CDK7: variants seen among roughly 807,000 people sequenced by gnomAD.
CDK7 encodes the protein cyclin dependent kinase 7.
CDK7 carries 25 observed loss-of-function variants against 49.1 expected under a neutral mutation model. The ratio of observed to expected loss-of-function variants is 0.51; its 90% CI spans 0.37 to 0.71. CDK7 has a LOEUF of 0.71. Ranked by LOEUF, CDK7 falls within the 30% of genes least tolerant of loss-of-function variation. CDK7 has a pLI of 0.00. For synonymous variants in CDK7, 107 were observed against 140.0 expected (o/e 0.76, Z 1.67); for missense variants, 316 against 411.7 (o/e 0.77, Z 2.01).
chr5:69,247,497 G>C (rs1282627588), intron 2 of CDK7, among the ~76,000 whole-genome samples: 1 of 149,050 alleles, frequency 6.7e-6, no homozygotes, highest in East Asian at 1.9e-4. Context: ...GTAGGCAACA[G>C]ATCTTTGGGG....
At chr5:69,276,034 T>C (rs1044362283) in intron 10 of CDK7, among the ~76,000 whole-genome samples, 3 of 152,106 alleles carry the variant, frequency 2.0e-5, no homozygotes, top group African/African-American at 4.8e-5. Context: ...AGTCTTTTTT[T>C]CTTTTCTTTT....
chr5:69,242,222 T>C (rs1041564359), intron 2 of CDK7, among the ~76,000 whole-genome samples: 5 of 152,146 alleles, frequency 3.3e-5, no homozygotes, highest in African/African-American at 1.2e-4. Context: ...CAGTAGATAA[T>C]TCTCAAATCT....
At chr5:69,250,674 G>A (rs945805153) in intron 2 of CDK7, 1 of 456,034 alleles carries the variant, frequency 2.2e-6, no homozygotes, top group Non-Finnish European at 4.4e-6. Flanking sequence ...CTCTTCCCCA[G>A]GGCAACCAAG....
At chr5:69,252,349 C>A in intron 2 of CDK7, 69 bp from the exon 3 acceptor site, 2 of 919,656 alleles carry the variant, frequency 2.2e-6, no homozygotes, top group Non-Finnish European at 3.5e-6. Flanking sequence ...AGTATTTACA[C>A]ATTATTCATT....
Position 69,276,695 on chromosome 5 carries a change from G to GGCCTTTTTTAAAAGAA in CDK7, c.1012+5_1012+6insGCCTTTTTTAAAAGAA, listed in dbSNP as rs773583261. ...GAACAGAGGCCTTAGAACAAGGTAA[G>GGCCTTTTTTAAAAGAA]ATTCCCACTTTTAAAAGAAATTAAA... On this transcript the variant is annotated splice_donor_region_variant and intron_variant, in intron 11 of 11. Coordinates refer to ENST00000256443, the MANE Select transcript of CDK7 (RefSeq NM_001799.4). 7.5e-6 allele frequency: 12 copies of GGCCTTTTTTAAAAGAA among 1,607,594 alleles called. No individual in the cohort carries two copies. Among genetic ancestry groups the GGCCTTTTTTAAAAGAA allele is most frequent in the Non-Finnish European group, 1.0e-5 (12 of 1,178,186 alleles).
Position 69,277,420 on chromosome 5 carries a change from G to A in CDK7, c.*285G>A, listed in dbSNP as rs562797466. The stretch of plus-strand genomic sequence containing the variant: ...TAATAAAAATTATTACCAGTTATTT[G>A]GAAGATCTGACCCATATAGTATCAC... On this transcript the variant is annotated 3_prime_UTR_variant, in exon 12 of 12. Transcript: ENST00000256443. The A allele has an allele frequency of 1.4e-4, 38 of 279,698 alleles. No individual in the cohort carries two copies. The highest frequency in any genetic ancestry group is 7.9e-4 in the African/African-American group (36 of 45,508). The allele number at this position is 279,698 out of a possible 1,614,324, so 17.3% of individuals were successfully genotyped here.
intron 2 of CDK7, among the ~76,000 whole-genome samples, chr5:69,249,435 G>C (rs547586725): frequency 3.6e-4 from 55 of 152,156 alleles, no homozygotes; most frequent in African/African-American, 1.2e-3. Flanking sequence ...CAGCTTCTTG[G>C]GGGGGTCTGA....
intron 10 of CDK7, among the ~76,000 whole-genome samples, chr5:69,275,562 C>G (rs1173917713): frequency 6.6e-6 from 1 of 152,082 alleles, no homozygotes; most frequent in Non-Finnish European, 1.5e-5. Flanking sequence ...CTCCAAAATC[C>G]AAAGCTTTTT....
At chr5:69,253,952 T>C (rs997969611) in intron 3 of CDK7, among the ~76,000 whole-genome samples, 4 of 151,890 alleles carry the variant, frequency 2.6e-5, no homozygotes, top group Non-Finnish European at 5.9e-5. Flanking sequence ...TACAAAAAAT[T>C]AGCCAGGCGT....
intron 2 of CDK7, among the ~76,000 whole-genome samples, chr5:69,238,091 A>G (rs1338881911): frequency 6.6e-6 from 1 of 152,122 alleles, no homozygotes; most frequent in Non-Finnish European, 1.5e-5. Flanking sequence ...CTCTGTACTC[A>G]TTCACCTGTT....
At chr5:69,242,941 A>C (rs753859735) in intron 2 of CDK7, among the ~76,000 whole-genome samples, 2 of 152,188 alleles carry the variant, frequency 1.3e-5, no homozygotes, top group Non-Finnish European at 2.9e-5. Context: ...GCTACTCTGC[A>C]GGCTGAGGCA....
intron 8 of CDK7, among the ~76,000 whole-genome samples, chr5:69,267,270 G>A (rs1580332990): frequency 8.9e-6 from 1 of 112,772 alleles, no homozygotes; most frequent in African/African-American, 3.2e-5. Context: ...TGTTTCTTTA[G>A]TATTTTTCTC....
intron 2 of CDK7, 68 bp downstream of exon 2, chr5:69,235,521 C>CTATCAGT: frequency 2.0e-6 from 2 of 1,022,350 alleles, no homozygotes; most frequent in Non-Finnish European, 3.1e-6. Context: ...TGACTGATAG[C>CTATCAGT]CATTTTATTA....
intron 2 of CDK7, among the ~76,000 whole-genome samples, chr5:69,251,005 C>T (rs1202819305): frequency 1.3e-5 from 2 of 152,088 alleles, no homozygotes; most frequent in African/African-American, 4.8e-5. Context: ...TCATAGCTCA[C>T]TGCAGCCTCG....
At chr5:69,267,247 G>T (rs1751216111) in intron 8 of CDK7, among the ~76,000 whole-genome samples, 1 of 133,922 alleles carries the variant, frequency 7.5e-6, no homozygotes, top group African/African-American at 2.8e-5. Flanking sequence ...TTCCAAACAT[G>T]TAATTTTATC....
chr5:69,255,873 G>C (rs1282803551), intron 5 of CDK7: 4 of 244,654 alleles, frequency 1.6e-5, no homozygotes, highest in African/African-American at 7.0e-5. Flanking sequence ...ACCCAGCCTG[G>C]AGTGCAATGG....
chr5:69,255,176 G>C (rs763333571), intron 4 of CDK7, among the ~76,000 whole-genome samples: 2 of 152,164 alleles, frequency 1.3e-5, no homozygotes, highest in Non-Finnish European at 2.9e-5. Context: ...TTGGAGACTG[G>C]AATGAGGTTT....
intron 3 of CDK7, among the ~76,000 whole-genome samples, chr5:69,253,331 C>A (rs1290682840): frequency 6.6e-6 from 1 of 152,116 alleles, no homozygotes; most frequent in Non-Finnish European, 1.5e-5. Flanking sequence ...GTATCGCAAT[C>A]TCGGCTCACT....
intron 8 of CDK7, among the ~76,000 whole-genome samples, chr5:69,265,511 CTGGAAGTGTTCACATTGTGAG>C (rs1032167408): frequency 6.6e-6 from 1 of 152,214 alleles, no homozygotes; most frequent in Admixed American, 6.5e-5. Flanking sequence ...GCACTGGAAT[CTGGAAGTGTTCACATTGTGAG>C]GGAAAATGAT....
Sources: allele counts gnomAD v4.1 joint callset (sites outside exome capture counted in the v4.1 genomes callset), GRCh38; gene constraint gnomAD v4.1.1; transcripts MANE v1.5; gene names NCBI Gene and HGNC (gene_info 2026-07-23, HGNC 2026-07-21).